SGK3: variants seen among roughly 807,000 people sequenced by gnomAD.
SGK3 encodes the protein serine/threonine-protein kinase Sgk3.
SGK3 carries 47 observed loss-of-function variants against 68.5 expected under a neutral mutation model. That is an observed-to-expected ratio of 0.69 (90% CI 0.54 to 0.87). The LOEUF (loss-of-function observed/expected upper bound fraction) is 0.87, where lower values mean the gene tolerates loss of function less well. Among genes scored for constraint, SGK3 ranks in the 40% least tolerant of loss-of-function variants. The pLI, the probability that SGK3 is intolerant of heterozygous loss-of-function variation, is 0.00. For synonymous variants in SGK3, 181 were observed against 189.1 expected (o/e 0.96, Z 0.35); for missense variants, 479 against 575.5 (o/e 0.83, Z 1.72).
chr8:66,826,995 A>T (rs918656525), intron 6 of SGK3, among the ~76,000 whole-genome samples: 18 of 152,132 alleles, frequency 1.2e-4, no homozygotes, highest in Admixed American at 7.9e-4. Context: ...CCTTTATTTT[A>T]AAAAATAGTT....
At chr8:66,783,483 G>A (rs1041376780) in intron 1 of SGK3, among the ~76,000 whole-genome samples, 1 of 151,962 alleles carries the variant, frequency 6.6e-6, no homozygotes, top group Admixed American at 6.6e-5. Flanking sequence ...CATGCTTGTG[G>A]TCATCTAATT....
chr8:66,719,361 C>CT (rs1306196870), intron 1 of SGK3, among the ~76,000 whole-genome samples: 1 of 151,546 alleles, frequency 6.6e-6, no homozygotes, highest in Admixed American at 6.6e-5. Context: ...GGGTTTTAGT[C>CT]TATCTCCCAG....
At chr8:66,857,799 ATGTGTGTG>A (rs111758415) in intron 16 of SGK3, among the ~76,000 whole-genome samples, 2,948 of 133,798 alleles carry the variant, frequency 0.022, 99 homozygotes, top group African/African-American at 0.074. Context: ...GTGTGTGTGT[ATGTGTGTG>A]TGTGTGTGTG....
rs539471038 is a variant in SGK3 at position 66,746,139 on chromosome 8, A to C, written c.-122+33306A>C. Among the ~76,000 whole-genome samples, 8 of 152,216 alleles carry C rather than the reference A, an allele frequency of 5.3e-5. No homozygotes were observed. The South Asian group carries it at 1.5e-3, about 28-fold the overall frequency. On this transcript the variant is annotated intron_variant, in intron 1 of 16. Transcript: ENST00000521198. ...TCTTATCTCTTGCCCATTGCATCAA[A>C]TTCTGGGCCTTTTCTCCGATTCTGC... is the stretch of plus-strand genomic sequence containing the variant.
chr8:66,719,302 T>C (rs1804733215), intron 1 of SGK3, among the ~76,000 whole-genome samples: 1 of 150,302 alleles, frequency 6.7e-6, no homozygotes, highest in Admixed American at 6.6e-5. Context: ...ATTTGTTGTT[T>C]TGTTTTTTCT....
At chr8:66,826,064 C>T (rs1368986657) in intron 6 of SGK3, among the ~76,000 whole-genome samples, 1 of 152,070 alleles carries the variant, frequency 6.6e-6, no homozygotes, top group Non-Finnish European at 1.5e-5. Flanking sequence ...CCTCCCCCTC[C>T]TGGTTTCAAG....
intron 16 of SGK3, among the ~76,000 whole-genome samples, chr8:66,859,008 AAC>A (rs760827583): frequency 2.0e-5 from 3 of 152,166 alleles, no homozygotes; most frequent in African/African-American, 4.8e-5. Context: ...GCCAGGAATA[AAC>A]ACACAAATTC....
chr8:66,835,468 GTA>G (rs1017284171), intron 8 of SGK3, among the ~76,000 whole-genome samples: 4 of 152,124 alleles, frequency 2.6e-5, no homozygotes, highest in African/African-American at 9.7e-5. Flanking sequence ...TCTCCTGGAA[GTA>G]CAGGAGACTT....
chr8:66,718,226 T>C (rs1294109104), intron 1 of SGK3, among the ~76,000 whole-genome samples: 1 of 150,056 alleles, frequency 6.7e-6, no homozygotes, highest in Admixed American at 6.6e-5. Context: ...GGTTTCACCA[T>C]GTTGGCCAGG....
chr8:66,794,703 A>G (rs1286608013), intron 2 of SGK3, among the ~76,000 whole-genome samples: 2 of 152,116 alleles, frequency 1.3e-5, no homozygotes, highest in African/African-American at 4.8e-5. Context: ...GGTTGGCATC[A>G]TGGTTTATGG....
At chr8:66,854,889 C>G (rs1285049762) in intron 16 of SGK3, among the ~76,000 whole-genome samples, 1 of 152,028 alleles carries the variant, frequency 6.6e-6, no homozygotes, top group Non-Finnish European at 1.5e-5. Context: ...TGGCTCATAC[C>G]TGTAATCCCA....
chr8:66,718,534 G>A (rs545599205), intron 1 of SGK3, among the ~76,000 whole-genome samples: 10 of 150,106 alleles, frequency 6.7e-5, no homozygotes, highest in Non-Finnish European at 1.2e-4. Context: ...GTTTTGTTTC[G>A]TTTGTTTTTT....
At chr8:66,743,767 C>T (rs1484376011) in intron 1 of SGK3, among the ~76,000 whole-genome samples, 1 of 152,270 alleles carries the variant, frequency 6.6e-6, no homozygotes, top group Non-Finnish European at 1.5e-5. Flanking sequence ...CTCACCTCGG[C>T]CTCCCAAAGT....
chr8:66,841,650 G>T (rs1370064065), intron 13 of SGK3, among the ~76,000 whole-genome samples: 4 of 152,084 alleles, frequency 2.6e-5, no homozygotes, highest in Non-Finnish European at 5.9e-5. Flanking sequence ...CAGTTTATTG[G>T]TTTCTCTTGT....
At position 66,786,925 on chromosome 8, in the gene SGK3, C is replaced by CTTTTTT. The variant is rs71249407; in HGVS notation, c.-121-6666_-121-6661dup. ...TCTGTGAGGGTAGGATTTTCTCTGT[C>CTTTTTT]TTTTTTTTTTTTTTTTTTTTTTTTT... On this transcript the variant is annotated intron_variant, in intron 1 of 16. Coordinates refer to ENST00000521198, the MANE Select transcript of SGK3 (RefSeq NM_001033578.3). Among the ~76,000 whole-genome samples the CTTTTTT allele has an allele frequency of 1.0e-3, 51 of 48,696 alleles. 2 individuals carry two copies. The highest frequency in any genetic ancestry group is 3.2e-3 in the African/African-American group (38 of 12,048). 31.9% of individuals were successfully genotyped at this position (48,696 alleles called of 152,430 possible).
intron 1 of SGK3, among the ~76,000 whole-genome samples, chr8:66,770,947 C>T (rs181906114): frequency 6.6e-6 from 1 of 152,304 alleles, no homozygotes; most frequent in Non-Finnish European, 1.5e-5. Flanking sequence ...AAGTAGTAAG[C>T]TGCGGGTAAA....
chr8:66,755,620 A>G (rs928251169), intron 1 of SGK3, among the ~76,000 whole-genome samples: 52 of 151,032 alleles, frequency 3.4e-4, no homozygotes, highest in African/African-American at 1.2e-3. Context: ...AAACTCCCCC[A>G]TTTTGTAACA....
chr8:66,827,812 A>G (rs58335232), intron 6 of SGK3, among the ~76,000 whole-genome samples: 3,756 of 152,252 alleles, frequency 0.025, 155 homozygotes, highest in African/African-American at 0.084. Flanking sequence ...AAATGTTGGC[A>G]CTACCACAGT....
At chr8:66,813,257 C>A (rs542029785) in intron 4 of SGK3, among the ~76,000 whole-genome samples, 1 of 151,632 alleles carries the variant, frequency 6.6e-6, no homozygotes, top group African/African-American at 2.4e-5. Flanking sequence ...CAATCTCAGA[C>A]GAAAAAAGAA....
Sources: allele counts gnomAD v4.1 joint callset (sites outside exome capture counted in the v4.1 genomes callset), GRCh38; gene constraint gnomAD v4.1.1; transcripts MANE v1.5; gene names NCBI Gene and HGNC (gene_info 2026-07-23, HGNC 2026-07-21).